Variants in FANCL observed in about 807,000 individuals in gnomAD.
FANCL encodes the protein FA complementation group L.
In FANCL, 69 loss-of-function variants were observed where a neutral mutation model predicts 59.4. The ratio of observed to expected loss-of-function variants is 1.16; its 90% CI spans 0.96 to 1.42. The LOEUF is 1.42. FANCL is among the 40% of genes most tolerant of loss of function. FANCL has a pLI of 0.00. For synonymous variants in FANCL, 180 were observed against 147.1 expected (o/e 1.22, Z -1.62); for missense variants, 519 against 447.2 (o/e 1.16, Z -1.45).
intron 6 of FANCL, among the ~76,000 whole-genome samples, chr2:58,203,487 G>A (rs1035185162): frequency 6.6e-6 from 1 of 151,520 alleles, no homozygotes; most frequent in Admixed American, 6.6e-5. Flanking sequence ...TGATTAATAT[G>A]CTAAACTTGT....
chr2:58,165,749 A>G lies in FANCL; in HGVS notation c.666T>C (p.Ser222=). The G allele has an allele frequency of 6.2e-7, 1 of 1,614,096 alleles. No homozygotes were observed. The highest frequency in any genetic ancestry group is 8.5e-7 in the Non-Finnish European group (1 of 1,179,974). ...WVLEPEKPPR[S]ATARRIALGN... is the part of the protein sequence containing the mutation. ...CTAATGCAATTCTGCGTGCTGTTGCACTCCGTGGAGGTTTTTCTGGCTCAA... is the reference window on the plus strand; with the variant it reads ...CTAATGCAATTCTGCGTGCTGTTGCGCTCCGTGGAGGTTTTTCTGGCTCAA... Residue 222 remains serine (S), a synonymous_variant, in exon 8 of 14, where the codon AGT becomes AGC. Coordinates refer to ENST00000233741, the MANE Select transcript of FANCL (RefSeq NM_018062.4).
At chr2:58,178,268 G>C (rs1687568493) in intron 7 of FANCL, among the ~76,000 whole-genome samples, 1 of 152,030 alleles carries the variant, frequency 6.6e-6, no homozygotes, top group East Asian at 1.9e-4. Context: ...AAAATCTGGA[G>C]GAGGCACAAC....
At chr2:58,231,774 T>G (rs971744101) in intron 2 of FANCL, among the ~76,000 whole-genome samples, 1 of 152,218 alleles carries the variant, frequency 6.6e-6, no homozygotes, top group African/African-American at 2.4e-5. Context: ...TCCCTTTATA[T>G]ACCTGTTCAG....
At chr2:58,197,556 T>C (rs1379259829) in intron 7 of FANCL, among the ~76,000 whole-genome samples, 2 of 152,164 alleles carry the variant, frequency 1.3e-5, no homozygotes, top group African/African-American at 2.4e-5. Context: ...GAAATGGTGA[T>C]AGTACTACCG....
chr2:58,181,165 G>A (rs563769867), intron 7 of FANCL, among the ~76,000 whole-genome samples: 2 of 152,128 alleles, frequency 1.3e-5, no homozygotes, highest in Non-Finnish European at 2.9e-5. Context: ...TTGTCAACAG[G>A]CAAAAGGATT....
chr2:58,163,748 T>C (rs991705519), intron 8 of FANCL, among the ~76,000 whole-genome samples: 9 of 152,054 alleles, frequency 5.9e-5, no homozygotes, highest in African/African-American at 1.9e-4. Flanking sequence ...CAAATTGATA[T>C]ATTTAATTAG....
At chr2:58,163,406 A>G (rs1033471428) in intron 9 of FANCL, 28 bp downstream of exon 9, 3 of 1,474,016 alleles carry the variant, frequency 2.0e-6, no homozygotes. Context: ...GACTCTATTA[A>G]AAAACGTTTA....
chr2:58,187,515 T>C (rs1044381261), intron 7 of FANCL, among the ~76,000 whole-genome samples: 2 of 151,588 alleles, frequency 1.3e-5, no homozygotes, highest in Admixed American at 1.3e-4. Flanking sequence ...TGTATACATA[T>C]GTAACAAACC....
intron 4 of FANCL, among the ~76,000 whole-genome samples, chr2:58,222,741 T>C (rs1327242033): frequency 1.3e-5 from 2 of 152,062 alleles, no homozygotes; most frequent in African/African-American, 2.4e-5. Flanking sequence ...TATTTTGAAG[T>C]TACCAACCTA....
In FANCL at chr2:58,171,682, G is replaced by A. The variant is rs902546728; in HGVS notation, c.541-5808C>T. Among the ~76,000 whole-genome samples the A allele has an allele frequency of 2.6e-5, 4 of 152,228 alleles. No homozygotes were observed. In the East Asian group the frequency reaches 5.8e-4, roughly 22 times the overall value. ...TACAGCTCCCAGGGTGAGCGACGCA[G>A]AAGACGGGTGATTTCTGCATTTCCA... is the stretch of plus-strand genomic sequence containing the variant. On this transcript the variant is annotated intron_variant, in intron 7 of 13. Transcript: ENST00000233741.
intron 11 of FANCL, among the ~76,000 whole-genome samples, chr2:58,162,088 T>C (rs974316633): frequency 2.0e-5 from 3 of 151,954 alleles, no homozygotes; most frequent in Non-Finnish European, 4.4e-5. Flanking sequence ...TACATTGTTA[T>C]AATGTCCCTG....
intron 7 of FANCL, 80 bp downstream of exon 7, chr2:58,198,514 T>TC (rs1446458770): frequency 2.5e-6 from 3 of 1,188,568 alleles, no homozygotes; most frequent in African/African-American, 3.1e-5. Flanking sequence ...CAAGAAATAA[T>TC]CCCCCCATGG....
intron 5 of FANCL, among the ~76,000 whole-genome samples, chr2:58,217,039 T>C (rs1691790338): frequency 6.8e-6 from 1 of 147,746 alleles, no homozygotes; most frequent in Non-Finnish European, 1.5e-5. Flanking sequence ...TCTGTATGAC[T>C]GAAATAAAGA....
rs771654902 is a variant in FANCL at position 58,159,808 on chromosome 2, A to AAGAGAACATAT, written c.1093-19_1093-9dup. The stretch of plus-strand genomic sequence containing the variant: ...CATTTTTAAGGTAATTGGCTTTAAA[A>AAGAGAACATAT]AGAGAACATATTTTAACAAAGTTTG... On this transcript the variant is annotated splice_polypyrimidine_tract_variant and intron_variant, in intron 13 of 13. Transcript: ENST00000233741. The AAGAGAACATAT allele has an allele frequency of 6.2e-7, 1 of 1,612,578 alleles. No homozygotes were observed. Among genetic ancestry groups the AAGAGAACATAT allele is most frequent in the East Asian group, 2.2e-5 (1 of 44,808 alleles).
chr2:58,219,140 TAAAAAAAAAAAAAAAAAAAA>T (rs70954881), intron 5 of FANCL, among the ~76,000 whole-genome samples: 1 of 16,604 alleles, frequency 6.0e-5, no homozygotes, highest in Non-Finnish European at 1.3e-4. Context: ...AAATACATGC[TAAAAAAAAAAAAAAAAAAAA>T]AAAAAAAAAA....
chr2:58,207,554 G>C (rs1690717433), intron 5 of FANCL, among the ~76,000 whole-genome samples: 1 of 152,154 alleles, frequency 6.6e-6, no homozygotes, highest in African/African-American at 2.4e-5. Context: ...TGTTAAATGA[G>C]AGATGAATAA....
At chr2:58,227,105 G>T (rs1338095981) in intron 3 of FANCL, among the ~76,000 whole-genome samples, 2 of 152,190 alleles carry the variant, frequency 1.3e-5, no homozygotes, top group East Asian at 1.9e-4. Flanking sequence ...CATGCGATGG[G>T]AGTGTGGCTT....
chr2:58,217,376 A>C (rs964238014), intron 5 of FANCL, among the ~76,000 whole-genome samples: 4 of 150,658 alleles, frequency 2.7e-5, no homozygotes, highest in African/African-American at 9.8e-5. Flanking sequence ...TCTAGGAGAG[A>C]ATCTATTCCT....
chr2:58,194,103 A>G (rs1689197059), intron 7 of FANCL: 1 of 413,328 alleles, frequency 2.4e-6, no homozygotes, highest in Non-Finnish European at 4.9e-6. Flanking sequence ...CATTATTCCA[A>G]GAATGTAAGA....
Sources: gnomAD v4.1 joint callset for allele counts (sites outside exome capture counted in the v4.1 genomes callset) on GRCh38, gnomAD v4.1.1 for gene constraint, MANE v1.5 for transcripts, NCBI Gene and HGNC (gene_info 2026-07-23, HGNC 2026-07-21) for gene names.